Variants in GRIA4 observed in about 807,000 individuals in gnomAD.
GRIA4 encodes the protein glutamate ionotropic receptor AMPA type subunit 4.
Under a neutral mutation model 104.0 loss-of-function variants are expected in GRIA4, and 34 were observed. The observed-to-expected ratio is 0.33, with a 90% CI of 0.25 to 0.44. The LOEUF (loss-of-function observed/expected upper bound fraction) is 0.44. Among genes scored for constraint, GRIA4 ranks in the 20% least tolerant of loss-of-function variants. GRIA4 has a pLI of 1.00. For missense variants in GRIA4, 750 were observed against 1,096.5 expected, an observed-to-expected ratio of 0.68 and a Z score of 4.46; for synonymous variants, 386 against 381.9, an observed-to-expected ratio of 1.01 and a Z score of -0.13.
chr11:105,733,631 T>C (rs888014393), intron 3 of GRIA4, among the ~76,000 whole-genome samples: 5 of 151,960 alleles, frequency 3.3e-5, no homozygotes, highest in Admixed American at 3.3e-4. Context: ...TAATTTTTTG[T>C]ATTTTTAGTA....
chr11:105,956,700 T>C (rs1452520025), intron 14 of GRIA4, among the ~76,000 whole-genome samples: 3 of 152,198 alleles, frequency 2.0e-5, no homozygotes, highest in Non-Finnish European at 4.4e-5. Context: ...TCCACAATGG[T>C]TGAACTAGTT....
intron 13 of GRIA4, 105 bp downstream of exon 13, chr11:105,927,044 C>T: frequency 1.4e-6 from 1 of 710,212 alleles, no homozygotes; most frequent in Non-Finnish European, 2.4e-6. Flanking sequence ...GGTTTACAAA[C>T]ACAATAGTAA....
At chr11:105,616,700 T>C (rs1383354227) in intron 3 of GRIA4, among the ~76,000 whole-genome samples, 3 of 151,724 alleles carry the variant, frequency 2.0e-5, no homozygotes, top group African/African-American at 7.2e-5. Flanking sequence ...ATTCTGATGA[T>C]TTGACTTGCA....
At chr11:105,670,040 C>G (rs1456731475) in intron 3 of GRIA4, among the ~76,000 whole-genome samples, 1 of 151,964 alleles carries the variant, frequency 6.6e-6, no homozygotes, top group Non-Finnish European at 1.5e-5. Context: ...CCTATTCTTC[C>G]CTTTAGACTA....
intron 14 of GRIA4, among the ~76,000 whole-genome samples, chr11:105,961,956 T>C (rs1401306025): frequency 6.6e-6 from 1 of 152,214 alleles, no homozygotes; most frequent in Non-Finnish European, 1.5e-5. Context: ...TTATTTGTTC[T>C]ACAAACTACA....
intron 3 of GRIA4, among the ~76,000 whole-genome samples, chr11:105,713,108 C>G (rs1299246642): frequency 6.6e-6 from 1 of 152,042 alleles, no homozygotes; most frequent in Non-Finnish European, 1.5e-5. Flanking sequence ...ACAGGCCAGG[C>G]ACAGTGACTC....
intron 5 of GRIA4, among the ~76,000 whole-genome samples, chr11:105,877,641 C>T (rs1945881675): frequency 1.3e-5 from 2 of 152,258 alleles, no homozygotes; most frequent in Non-Finnish European, 2.9e-5. Context: ...TGTATTTATG[C>T]TTCATTTCAT....
intron 4 of GRIA4, among the ~76,000 whole-genome samples, chr11:105,850,808 C>T (rs1422598398): frequency 1.3e-5 from 2 of 152,130 alleles, no homozygotes; most frequent in African/African-American, 2.4e-5. Context: ...AGCCACCACA[C>T]TTCTTGGAAA....
At chr11:105,716,105 CTAAAAGTT>C (rs61454523) in intron 3 of GRIA4, among the ~76,000 whole-genome samples, 81,002 of 151,168 alleles carry the variant, frequency 0.54, 21,741 homozygotes, top group Admixed American at 0.61. Flanking sequence ...TGTAATTTCC[CTAAAAGTT>C]TAAAAGTTTC....
At chr11:105,948,698 C>T (rs1219249858) in intron 14 of GRIA4, among the ~76,000 whole-genome samples, 4 of 148,372 alleles carry the variant, frequency 2.7e-5, no homozygotes, top group Admixed American at 2.0e-4. Flanking sequence ...CTCCGCCTCC[C>T]GGGTGCAAGC....
chr11:105,826,219 G>A (rs904830627), intron 4 of GRIA4, among the ~76,000 whole-genome samples: 1 of 152,008 alleles, frequency 6.6e-6, no homozygotes, highest in Admixed American at 6.6e-5. Context: ...AGAGGTTGCA[G>A]GGAGAAAGGG....
intron 11 of GRIA4, among the ~76,000 whole-genome samples, chr11:105,921,521 A>G (rs962728113): frequency 3.9e-5 from 6 of 152,062 alleles, no homozygotes; most frequent in African/African-American, 9.7e-5. Flanking sequence ...ACCTATCTCT[A>G]CTAGTCTCTT....
intron 3 of GRIA4, among the ~76,000 whole-genome samples, chr11:105,710,000 T>C (rs768816428): frequency 6.6e-6 from 1 of 152,156 alleles, no homozygotes; most frequent in Non-Finnish European, 1.5e-5. Flanking sequence ...GTTTTAGGGA[T>C]AATTATCCAC....
In GRIA4 at chr11:105,974,336, C is replaced by T. The variant is rs1234249872; in HGVS notation, c.2436C>T (p.Ser812=). The change falls in exon 16 of 17, where the codon AGC becomes AGT. Residue 812 remains serine, a synonymous_variant. Coordinates refer to ENST00000282499, the MANE Select transcript of GRIA4 (RefSeq NM_000829.4). ...SKDKTSALSL[S]NVAGVFYILV... ...ACAAGACGAGTGCCTTGAGCCTGAG[C>T]AATGTAGCAGGCGTCTTCTACATTC... The T allele has an allele frequency of 6.2e-7, 1 of 1,613,480 alleles. No individual in the cohort carries two copies. The highest frequency in any genetic ancestry group is 1.3e-5 in the African/African-American group (1 of 74,866).
chr11:105,701,854 G>C (rs1023757852), intron 3 of GRIA4, among the ~76,000 whole-genome samples: 24 of 152,080 alleles, frequency 1.6e-4, no homozygotes, highest in African/African-American at 5.8e-4. Context: ...AACTTTAAAA[G>C]TAAACGTTTT....
chr11:105,931,622 T>G (rs1947878089), intron 13 of GRIA4, among the ~76,000 whole-genome samples: 1 of 152,034 alleles, frequency 6.6e-6, no homozygotes. Context: ...GGAGAATTGC[T>G]TGAACCTGGG....
chr11:105,919,021 A>G (rs113350148), intron 11 of GRIA4, 103 bp downstream of exon 11: 1 of 714,784 alleles, frequency 1.4e-6, no homozygotes, highest in Non-Finnish European at 2.5e-6. Flanking sequence ...TTTAATTTGC[A>G]GCAACATTCC....
chr11:105,674,696 C>T (rs1233159301), intron 3 of GRIA4, among the ~76,000 whole-genome samples: 2 of 151,802 alleles, frequency 1.3e-5, no homozygotes, highest in Admixed American at 6.6e-5. Context: ...GTTATTACTA[C>T]TGGGAATTAA....
At chr11:105,635,037 G>A (rs750602935) in intron 3 of GRIA4, among the ~76,000 whole-genome samples, 30 of 152,130 alleles carry the variant, frequency 2.0e-4, no homozygotes, top group Non-Finnish European at 2.8e-4. Flanking sequence ...TTTCCAAAAC[G>A]AGGCACTAAT....
Sources: allele counts gnomAD v4.1 joint callset (sites outside exome capture counted in the v4.1 genomes callset), GRCh38; gene constraint gnomAD v4.1.1; transcripts MANE v1.5; gene names NCBI Gene and HGNC (gene_info 2026-07-23, HGNC 2026-07-21).